Variants in MYO10 observed in about 807,000 individuals in gnomAD.
MYO10 encodes the protein unconventional myosin-X.
Under a neutral mutation model 257.3 loss-of-function variants are expected in MYO10, and 133 were observed. That is an observed-to-expected ratio of 0.52 (90% confidence interval 0.45 to 0.60). MYO10 has a LOEUF of 0.60. Among genes scored for constraint, MYO10 ranks in the 20% least tolerant of loss-of-function variants. The pLI is 0.00. For synonymous variants in MYO10, 1,104 were observed against 1,028.6 expected, an observed-to-expected ratio of 1.07 and a Z score of -1.40; for missense variants, 2,399 against 2,635.7, an observed-to-expected ratio of 0.91 and a Z score of 1.97.
intron 1 of MYO10, among the ~76,000 whole-genome samples, chr5:16,904,784 C>T (rs1745476715): frequency 6.6e-6 from 1 of 152,110 alleles, no homozygotes; most frequent in Non-Finnish European, 1.5e-5. Context: ...AAAAAATTAG[C>T]CGGGCGTGGT....
chr5:16,755,079 TGA>T (rs1449169402), intron 18 of MYO10, among the ~76,000 whole-genome samples, 171 bp from the exon 19 acceptor site: 1 of 152,258 alleles, frequency 6.6e-6, no homozygotes, highest in Non-Finnish European at 1.5e-5. Flanking sequence ...ATAAACATAC[TGA>T]GTCAATGTAT....
intron 27 of MYO10, 142 bp from the exon 28 acceptor site, chr5:16,690,061 G>A: frequency 1.6e-6 from 1 of 644,132 alleles, no homozygotes; most frequent in Non-Finnish European, 2.8e-6. Context: ...CTCCATATCT[G>A]CGAGTTCAGG....
chr5:16,861,651 T>A (rs1744113009), intron 2 of MYO10, among the ~76,000 whole-genome samples: 1 of 152,010 alleles, frequency 6.6e-6, no homozygotes, highest in Non-Finnish European at 1.5e-5. Context: ...AAAAGTAACT[T>A]CAAGAGAAAG....
chr5:16,770,733 A>G (rs562520446), intron 9 of MYO10, among the ~76,000 whole-genome samples: 1 of 152,314 alleles, frequency 6.6e-6, no homozygotes, highest in South Asian at 2.1e-4. Flanking sequence ...AAACAACTGG[A>G]GATTTAACAC....
intron 19 of MYO10, among the ~76,000 whole-genome samples, chr5:16,749,678 G>C (rs902378895): frequency 6.6e-6 from 1 of 152,128 alleles, no homozygotes; most frequent in Non-Finnish European, 1.5e-5. Context: ...AACCCATGAC[G>C]TTTCCTTCCT....
At chr5:16,905,319 C>T (rs973833151) in intron 1 of MYO10, among the ~76,000 whole-genome samples, 29 of 152,272 alleles carry the variant, frequency 1.9e-4, no homozygotes, top group African/African-American at 6.7e-4. Flanking sequence ...CTAATATCTT[C>T]GGAGGACAAC....
At chr5:16,918,234 G>A (rs1580149561) in intron 1 of MYO10, among the ~76,000 whole-genome samples, 3 of 152,170 alleles carry the variant, frequency 2.0e-5, no homozygotes, top group Admixed American at 1.3e-4. Context: ...GCCCAAAGCT[G>A]TGACTAGACA....
chr5:16,877,826 T>C (rs1744650476), intron 1 of MYO10, 119 bp from the exon 2 acceptor site: 4 of 749,768 alleles, frequency 5.3e-6, no homozygotes, highest in South Asian at 5.1e-5. Flanking sequence ...GAAAAGTAAA[T>C]GTCTTTCTCA....
At chr5:16,802,676 A>G (rs1742156170) in intron 3 of MYO10, among the ~76,000 whole-genome samples, 1 of 151,080 alleles carries the variant, frequency 6.6e-6, no homozygotes, top group South Asian at 2.1e-4. Context: ...AAAAAAAAGA[A>G]AGAAAGAAAA....
At chr5:16,905,430 G>A (rs928288734) in intron 1 of MYO10, among the ~76,000 whole-genome samples, 5 of 152,116 alleles carry the variant, frequency 3.3e-5, no homozygotes, top group Admixed American at 1.3e-4. Flanking sequence ...GACAGCTGGA[G>A]GGAAGGAGCA....
intron 19 of MYO10, among the ~76,000 whole-genome samples, chr5:16,749,332 C>G (rs1740311891): frequency 6.6e-6 from 1 of 151,880 alleles, no homozygotes; most frequent in Admixed American, 6.6e-5. Flanking sequence ...ACTAAAAATA[C>G]AAAAATCAGC....
chr5:16,882,194 G>C lies in MYO10; in HGVS notation c.22-4487C>G, dbSNP rs114568999. On this transcript the variant is annotated intron_variant, in intron 1 of 40. Transcript: ENST00000513610. The stretch of plus-strand genomic sequence containing the variant: ...TCCTATAAGACAGAGAGGCAATACC[G>C]TCCCTTTCTTCAAACGTAAGGTTCA... Among the ~76,000 whole-genome samples, 457 of 152,164 alleles carry C rather than the reference G, an allele frequency of 3.0e-3. 1 individual carries two copies. The highest frequency in any genetic ancestry group is 0.024 in the Middle Eastern group (7 of 294).
chr5:16,832,439 A>T (rs1368447865), intron 2 of MYO10, among the ~76,000 whole-genome samples: 1 of 151,766 alleles, frequency 6.6e-6, no homozygotes, highest in Non-Finnish European at 1.5e-5. Context: ...AACAAAACAA[A>T]AGATCTACCC....
intron 2 of MYO10, among the ~76,000 whole-genome samples, chr5:16,824,538 A>C (rs2126711994): frequency 6.6e-6 from 1 of 152,320 alleles, no homozygotes; most frequent in African/African-American, 2.4e-5. Context: ...GATGACAATA[A>C]GCCAATGCCT....
intron 1 of MYO10, among the ~76,000 whole-genome samples, chr5:16,925,664 G>A (rs946167240): frequency 6.6e-6 from 1 of 152,128 alleles, no homozygotes; most frequent in African/African-American, 2.4e-5. Context: ...CACCCGCCTC[G>A]GCATCCCAAA....
chr5:16,696,248 T>C (rs1394196594), intron 26 of MYO10, among the ~76,000 whole-genome samples: 1 of 152,228 alleles, frequency 6.6e-6, no homozygotes, highest in African/African-American at 2.4e-5. Context: ...TAATTCATCA[T>C]TTAGAGAATC....
intron 9 of MYO10, among the ~76,000 whole-genome samples, chr5:16,775,459 T>TC (rs2126663385): frequency 6.6e-6 from 1 of 152,284 alleles, no homozygotes; most frequent in Admixed American, 6.5e-5. Flanking sequence ...GACAGGGTCT[T>TC]ACTCTGTCAT....
chr5:16,803,120 A>T (rs912579427), intron 3 of MYO10, among the ~76,000 whole-genome samples: 22 of 151,640 alleles, frequency 1.5e-4, no homozygotes, highest in East Asian at 9.7e-4. Flanking sequence ...AAAAAATTTA[A>T]AAAAAAAATT....
rs759918098 is a variant in MYO10 at position 16,699,581 on chromosome 5, G to A, written c.3433-8C>T. 1.6e-5 allele frequency: 25 copies of A among 1,612,738 alleles called. No homozygotes were observed. The highest frequency in any genetic ancestry group is 1.0e-4 in the Admixed American group (6 of 59,952). On this transcript the variant is annotated splice_polypyrimidine_tract_variant and splice_region_variant and intron_variant, in intron 25 of 40. Transcript: ENST00000513610. ...CTCTTCACTATCTTCAAACTGGACCGAGAGAGAGAAGCCAACGGTGAGGGA... is the reference window on the plus strand; with the variant it reads ...CTCTTCACTATCTTCAAACTGGACCAAGAGAGAGAAGCCAACGGTGAGGGA...
Sources: allele counts gnomAD v4.1 joint callset (sites outside exome capture counted in the v4.1 genomes callset), GRCh38; gene constraint gnomAD v4.1.1; transcripts MANE v1.5; gene names NCBI Gene and HGNC (gene_info 2026-07-23, HGNC 2026-07-21).